Variants in PTPRN2 observed in about 807,000 individuals in gnomAD.
PTPRN2 encodes receptor-type tyrosine-protein phosphatase N2.
Under a neutral mutation model 118.8 loss-of-function variants are expected in PTPRN2, and 74 were observed. That is an observed-to-expected ratio of 0.62 (90% CI 0.52 to 0.76). PTPRN2 has a LOEUF of 0.76. PTPRN2 is among the 30% of genes least tolerant of loss of function. The pLI, the probability that PTPRN2 is intolerant of heterozygous loss-of-function variation, is 0.00. For missense variants in PTPRN2, 1,481 were observed against 1,394.4 expected (o/e 1.06, Z -0.99); for synonymous variants, 641 against 608.0 (o/e 1.05, Z -0.80).
At chr7:157,912,541 T>G (rs1798158733) in intron 11 of PTPRN2, among the ~76,000 whole-genome samples, 1 of 152,212 alleles carries the variant, frequency 6.6e-6, no homozygotes, top group African/African-American at 2.4e-5. Context: ...TGGCATCTTG[T>G]TTAAAAAATT....
At chr7:157,902,880 T>A (rs544918254) in intron 11 of PTPRN2, among the ~76,000 whole-genome samples, 5 of 152,142 alleles carry the variant, frequency 3.3e-5, no homozygotes, top group South Asian at 4.1e-4. Context: ...GGCATCGTGG[T>A]GAGCTCCTAG....
chr7:158,159,319 C>T (rs1822149812), intron 6 of PTPRN2, among the ~76,000 whole-genome samples: 1 of 152,258 alleles, frequency 6.6e-6, no homozygotes, highest in African/African-American at 2.4e-5. Flanking sequence ...TTTCCGAGTG[C>T]ACTTCCCACA....
chr7:157,660,442 A>C (rs1462179403), intron 13 of PTPRN2, among the ~76,000 whole-genome samples: 1 of 151,964 alleles, frequency 6.6e-6, no homozygotes, highest in Admixed American at 6.6e-5. Flanking sequence ...TATTGTATTT[A>C]TTTTTCTCCC....
At chr7:158,490,109 T>G (rs1821336541) in intron 1 of PTPRN2, among the ~76,000 whole-genome samples, 2 of 152,054 alleles carry the variant, frequency 1.3e-5, no homozygotes, top group South Asian at 4.1e-4. Flanking sequence ...GGGCCTCCCC[T>G]TGAGGCCTCC....
At chr7:158,462,709 G>A (rs539483398) in intron 2 of PTPRN2, among the ~76,000 whole-genome samples, 1 of 152,274 alleles carries the variant, frequency 6.6e-6, no homozygotes, top group African/African-American at 2.4e-5. Flanking sequence ...TAAAACCTGT[G>A]CTGATGACAG....
chr7:158,537,421 A>G (rs1348729797), intron 1 of PTPRN2: 1 of 152,264 alleles, frequency 6.6e-6, no homozygotes. Context: ...AACTGTCAGG[A>G]AACAGTGAGC....
chr7:157,739,522 C>T (rs1800500917), intron 12 of PTPRN2: 1 of 152,218 alleles, frequency 6.6e-6, no homozygotes, highest in African/African-American at 2.4e-5. Context: ...AGGGTAGTAT[C>T]TTGGAGTGTT....
intron 1 of PTPRN2, among the ~76,000 whole-genome samples, chr7:158,522,523 A>T (rs1824279034): frequency 1.3e-5 from 2 of 151,546 alleles, no homozygotes; most frequent in African/African-American, 4.9e-5. Context: ...TGGACTGTCC[A>T]GGATGGTGCA....
chr7:158,410,280 A>G (rs1271223289), intron 2 of PTPRN2, among the ~76,000 whole-genome samples: 1 of 152,148 alleles, frequency 6.6e-6, no homozygotes, highest in Non-Finnish European at 1.5e-5. Flanking sequence ...ACCTAACACG[A>G]CACTCAGGAC....
intron 12 of PTPRN2, among the ~76,000 whole-genome samples, chr7:157,703,806 G>A (rs1165594885): frequency 6.6e-6 from 1 of 152,170 alleles, no homozygotes; most frequent in Non-Finnish European, 1.5e-5. Flanking sequence ...CAGGAGGCCC[G>A]GAAAACTACA....
chr7:158,401,453 CG>C (rs1812941998), intron 2 of PTPRN2, among the ~76,000 whole-genome samples: 1 of 151,648 alleles, frequency 6.6e-6, no homozygotes, highest in Non-Finnish European at 1.5e-5. Context: ...GAAGCTGCCA[CG>C]GGACGGCCCC....
At chr7:158,280,315 G>A (rs1799334899) in intron 3 of PTPRN2, among the ~76,000 whole-genome samples, 1 of 152,238 alleles carries the variant, frequency 6.6e-6, no homozygotes, top group Non-Finnish European at 1.5e-5. Context: ...CCCGTCGGGG[G>A]CCATGGCTGC....
intron 3 of PTPRN2, among the ~76,000 whole-genome samples, chr7:158,222,432 A>T (rs996089656): frequency 2.0e-5 from 3 of 152,208 alleles, no homozygotes; most frequent in African/African-American, 7.2e-5. Flanking sequence ...AGCAACATAG[A>T]TGCAGCTGTA....
chr7:157,973,075 C>A (rs1802466498), intron 11 of PTPRN2, among the ~76,000 whole-genome samples: 1 of 152,202 alleles, frequency 6.6e-6, no homozygotes, highest in African/African-American at 2.4e-5. Context: ...GATAGCAGGG[C>A]CCCACTGAAG....
In PTPRN2 at chr7:158,517,677, C is replaced by T. The variant is rs774216392; in HGVS notation, c.113-27892G>A. 4.1e-4 allele frequency among the ~76,000 whole-genome samples: 62 copies of T among 152,174 alleles called. No individual in the cohort carries two copies. Among genetic ancestry groups the T allele is most frequent in the Non-Finnish European group, 1.5e-4 (10 of 68,020 alleles). On this transcript the variant is annotated intron_variant, in intron 1 of 22. Coordinates refer to ENST00000389418, the MANE Select transcript of PTPRN2 (RefSeq NM_002847.5). This position sits in a 1 kb window ranked among gnomAD's most constrained non-coding sequence, Gnocchi z 5.3. ...GAGTCCAAGCCAGCCTCATGGACAG[C>T]GTCTCCAGACTCTTCCCCACCATAG... is the stretch of plus-strand genomic sequence containing the variant.
At chr7:158,243,983 G>A (rs1003087236) in intron 3 of PTPRN2, among the ~76,000 whole-genome samples, 2 of 152,080 alleles carry the variant, frequency 1.3e-5, no homozygotes, top group African/African-American at 4.8e-5. Flanking sequence ...TCCCTACTTC[G>A]TATCTAATAC....
At chr7:157,654,850 G>A (rs1805965845) in intron 14 of PTPRN2, among the ~76,000 whole-genome samples, 1 of 152,200 alleles carries the variant, frequency 6.6e-6, no homozygotes, top group African/African-American at 2.4e-5. Context: ...CTCGCTAAGC[G>A]GCTCTCCTCT....
At chr7:158,377,643 A>T (rs1810649859) in intron 2 of PTPRN2, among the ~76,000 whole-genome samples, 1 of 152,196 alleles carries the variant, frequency 6.6e-6, no homozygotes. Flanking sequence ...TGGACCCAAG[A>T]GGAATGAAAA....
At position 157,741,117 on chromosome 7, in the gene PTPRN2, C is replaced by A. The variant is rs1009827; in HGVS notation, c.1789-58180G>T. Reference sequence around the variant, plus strand: ...CTTCTAACTCACAGTCGGAGCCACCCCACGCCTCCTTCCACAGGCTCCATG... The same window carrying A: ...CTTCTAACTCACAGTCGGAGCCACCACACGCCTCCTTCCACAGGCTCCATG... On this transcript the variant is annotated intron_variant, in intron 12 of 22. Transcript: ENST00000389418. 4.8e-4 allele frequency among the ~76,000 whole-genome samples: 73 copies of A among 152,326 alleles called. 1 individual carries two copies. In the East Asian group the frequency reaches 0.013, roughly 27 times the overall value.
Sources: allele counts gnomAD v4.1 joint callset (sites outside exome capture counted in the v4.1 genomes callset), GRCh38; gene constraint gnomAD v4.1.1; non-coding constraint Gnocchi (gnomAD v3.1); transcripts MANE v1.5; gene names NCBI Gene and HGNC (gene_info 2026-07-23, HGNC 2026-07-21).